Variants in ARNT2 observed in about 807,000 individuals in gnomAD.
The protein encoded by ARNT2 is aryl hydrocarbon receptor nuclear translocator 2.
Under a neutral mutation model 91.7 loss-of-function variants are expected in ARNT2, and 36 were observed. The observed-to-expected ratio is 0.39, with a 90% CI of 0.30 to 0.52. ARNT2 has a LOEUF of 0.52. Among genes scored for constraint, ARNT2 ranks in the 20% least tolerant of loss-of-function variants. The pLI, the probability that ARNT2 is intolerant of heterozygous loss-of-function variation, is 0.72. For synonymous variants in ARNT2, 365 were observed against 347.1 expected (o/e 1.05, Z -0.57); for missense variants, 775 against 939.3 (o/e 0.83, Z 2.29).
At chr15:80,462,256 G>A (rs1896569447) in intron 3 of ARNT2, among the ~76,000 whole-genome samples, 1 of 152,144 alleles carries the variant, frequency 6.6e-6, no homozygotes, top group Non-Finnish European at 1.5e-5. Flanking sequence ...GGCAGCTGGG[G>A]TCAGCTGCCA....
intron 1 of ARNT2, among the ~76,000 whole-genome samples, chr15:80,420,046 A>G (rs1011062236): frequency 3.3e-4 from 50 of 152,268 alleles, no homozygotes; most frequent in Admixed American, 1.9e-3. Flanking sequence ...GCAACCAGCC[A>G]TCCACGTATG....
chr15:80,505,415 A>G (rs1290851343), intron 5 of ARNT2, among the ~76,000 whole-genome samples: 1 of 152,248 alleles, frequency 6.6e-6, no homozygotes, highest in East Asian at 1.9e-4. Context: ...CACAGGCCAA[A>G]GATACACAGG....
chr15:80,549,552 A>T (rs892249875), intron 8 of ARNT2, among the ~76,000 whole-genome samples: 2 of 152,218 alleles, frequency 1.3e-5, no homozygotes, highest in Admixed American at 1.3e-4. Context: ...GAAGCAGACA[A>T]TTCACTAAAA....
chr15:80,489,091 T>C (rs747007007), intron 5 of ARNT2, among the ~76,000 whole-genome samples: 2 of 152,262 alleles, frequency 1.3e-5, no homozygotes, highest in African/African-American at 4.8e-5. Flanking sequence ...ATGATTTAGA[T>C]TTCAGTAATC....
chr15:80,410,180 G>A (rs73482988), intron 1 of ARNT2, among the ~76,000 whole-genome samples: 5,478 of 152,212 alleles, frequency 0.036, 297 homozygotes, highest in African/African-American at 0.13. Context: ...TAGAGAATGA[G>A]AGAGAGGGAG....
chr15:80,506,092 G>A (rs1014877781), intron 5 of ARNT2, among the ~76,000 whole-genome samples: 11 of 151,728 alleles, frequency 7.2e-5, no homozygotes, highest in Non-Finnish European at 1.2e-4. Context: ...GCCCGCCACC[G>A]CGCCTGGCTA....
intron 1 of ARNT2, among the ~76,000 whole-genome samples, chr15:80,410,253 C>A (rs1168656594): frequency 6.6e-6 from 1 of 152,214 alleles, no homozygotes; most frequent in Non-Finnish European, 1.5e-5. Flanking sequence ...GCACCAGTTA[C>A]TTCCCTGTCC....
rs150440168 is a variant in ARNT2 at position 80,471,147 on chromosome 15, A to G, written c.408+716A>G. Among the ~76,000 whole-genome samples, 173 of 152,392 alleles carry G rather than the reference A, an allele frequency of 1.1e-3. No individual in the cohort carries two copies. The South Asian group carries it at 0.015, about 13-fold the overall frequency. Reference sequence around the variant, plus strand: ...CAACATAAATGTTCATCAATGACAGATTGGATAAAGATAATGTGGTACATA... The same window carrying G: ...CAACATAAATGTTCATCAATGACAGGTTGGATAAAGATAATGTGGTACATA... On this transcript the variant is annotated intron_variant, in intron 4 of 18. Coordinates refer to ENST00000303329, the MANE Select transcript of ARNT2 (RefSeq NM_014862.4).
chr15:80,527,658 A>T (rs1348647946), intron 8 of ARNT2, among the ~76,000 whole-genome samples: 1 of 152,204 alleles, frequency 6.6e-6, no homozygotes, highest in African/African-American at 2.4e-5. Flanking sequence ...CAACAACCCT[A>T]ATGAGGTACA....
chr15:80,507,988 T>C lies in ARNT2; in HGVS notation c.623-168T>C, dbSNP rs987717397. ...TTGAACTGTATGGATTTCATCACTA[T>C]GTGAGTTTCTTGCCAAAGAATGTTG... On this transcript the variant is annotated intron_variant, in intron 5 of 18. Coordinates refer to ENST00000303329, the MANE Select transcript of ARNT2 (RefSeq NM_014862.4). Among the ~76,000 whole-genome samples the C allele has an allele frequency of 2.0e-5, 3 of 152,340 alleles. No homozygotes were observed. In the South Asian group the frequency reaches 6.2e-4, roughly 32 times the overall value.
At chr15:80,516,849 A>ATATATATATATG (rs1249207936) in intron 8 of ARNT2, among the ~76,000 whole-genome samples, 1 of 141,096 alleles carries the variant, frequency 7.1e-6, no homozygotes, top group Non-Finnish European at 1.5e-5. Flanking sequence ...ATATATATAT[A>ATATATATATATG]TATATATCCA....
chr15:80,575,777 G>A (rs929967446), intron 14 of ARNT2, among the ~76,000 whole-genome samples: 13 of 152,164 alleles, frequency 8.5e-5, no homozygotes, highest in African/African-American at 2.9e-4. Context: ...CAGATCCAGG[G>A]CTGTTCCCTG....
intron 1 of ARNT2, among the ~76,000 whole-genome samples, chr15:80,409,399 G>A (rs1244529784): frequency 6.6e-6 from 1 of 152,184 alleles, no homozygotes; most frequent in Non-Finnish European, 1.5e-5. Flanking sequence ...ATCTTTCAGT[G>A]GCTTGATAGC....
Position 80,593,924 on chromosome 15 carries a change from G to C in ARNT2, c.*226G>C. ...CCTGGCAGACATTAGGGGATCAGTT[G>C]TATTTATTGTATTTTATCTGTGTGT... On this transcript the variant is annotated 3_prime_UTR_variant, in exon 19 of 19. Coordinates refer to ENST00000303329, the MANE Select transcript of ARNT2 (RefSeq NM_014862.4). 1.8e-6 allele frequency: 1 copy of C among 549,424 alleles called. No homozygotes were observed. The allele number at this position is 549,424 out of a possible 1,614,324, so 34.0% of individuals were successfully genotyped here.
intron 1 of ARNT2, among the ~76,000 whole-genome samples, chr15:80,416,781 C>A (rs1342442206): frequency 2.0e-5 from 3 of 152,002 alleles, no homozygotes; most frequent in Non-Finnish European, 4.4e-5. Flanking sequence ...ATTTTTTTGG[C>A]AAGAATACCC....
chr15:80,485,027 G>T (rs546697437), intron 5 of ARNT2, among the ~76,000 whole-genome samples: 1 of 152,328 alleles, frequency 6.6e-6, no homozygotes, highest in South Asian at 2.1e-4. Context: ...TGACATATGG[G>T]ATAGTATTAA....
chr15:80,426,092 A>G (rs966558788), intron 1 of ARNT2, among the ~76,000 whole-genome samples: 1 of 152,182 alleles, frequency 6.6e-6, no homozygotes, highest in Non-Finnish European at 1.5e-5. Context: ...AAGAAACTCT[A>G]TAGGATACGT....
chr15:80,441,664 C>T (rs148386305), intron 1 of ARNT2, among the ~76,000 whole-genome samples: 343 of 152,078 alleles, frequency 2.3e-3, no homozygotes, highest in African/African-American at 7.8e-3. Context: ...TCTTTTTTTC[C>T]ATTTCCTCCT....
chr15:80,476,643 A>G (rs1896807112), intron 5 of ARNT2, among the ~76,000 whole-genome samples: 3 of 152,234 alleles, frequency 2.0e-5, no homozygotes, highest in Admixed American at 2.0e-4. Context: ...AAGCCTGATG[A>G]ATTAGTGAGT....
Sources: gnomAD v4.1 joint callset for allele counts (sites outside exome capture counted in the v4.1 genomes callset) on GRCh38, gnomAD v4.1.1 for gene constraint, MANE v1.5 for transcripts, NCBI Gene and HGNC (gene_info 2026-07-23, HGNC 2026-07-21) for gene names.